The following UBE2Q2 variants were observed in gnomAD, a reference collection of about 807,000 sequenced individuals.
The protein encoded by UBE2Q2 is ubiquitin-conjugating enzyme E2 Q2.
A neutral mutation model predicts 59.9 loss-of-function variants in UBE2Q2; 54 were observed. The ratio of observed to expected loss-of-function variants is 0.90; its 90% CI spans 0.72 to 1.13. The LOEUF is 1.13. Among genes scored for constraint, UBE2Q2 ranks in the 50% most tolerant of loss-of-function variants. UBE2Q2 has a pLI of 0.00. For synonymous variants in UBE2Q2, 165 were observed against 155.2 expected, an observed-to-expected ratio of 1.06 and a Z score of -0.47; for missense variants, 433 against 441.9, an observed-to-expected ratio of 0.98 and a Z score of 0.18.
At chr15:75,856,269 G>GTATATATATA (rs60490503) in intron 2 of UBE2Q2, among the ~76,000 whole-genome samples, 24 of 139,284 alleles carry the variant, frequency 1.7e-4, no homozygotes, top group African/African-American at 5.5e-4. Context: ...GTGTGTGTGT[G>GTATATATATA]TATATATATA....
At chr15:75,873,972 G>A (rs1897933427) in intron 5 of UBE2Q2, among the ~76,000 whole-genome samples, 1 of 152,100 alleles carries the variant, frequency 6.6e-6, no homozygotes, top group Admixed American at 6.5e-5. Context: ...TGGGATTACA[G>A]GCATGAGCCA....
intron 8 of UBE2Q2, 36 bp from the exon 9 acceptor site, chr15:75,883,329 TC>T: frequency 6.4e-7 from 1 of 1,561,246 alleles, no homozygotes; most frequent in South Asian, 1.1e-5. Context: ...CTAAGGATGT[TC>T]TTTAAATTAA....
At position 75,856,269 on chromosome 15, in the gene UBE2Q2, G is replaced by GTGTATATATATA. The variant is rs1256142539; in HGVS notation, c.282+1783_282+1784insGTATATATATAT. ...TACGTGTGTGTGTGTGTGTGTGTGT[G>GTGTATATATATA]TATATATATATATATATATATATAA... On this transcript the variant is annotated intron_variant, in intron 2 of 12. Coordinates refer to ENST00000267938, the MANE Select transcript of UBE2Q2 (RefSeq NM_173469.4). Among the ~76,000 whole-genome samples the GTGTATATATATA allele has an allele frequency of 1.4e-3, 189 of 139,266 alleles. 1 individual carries two copies. The highest frequency in any genetic ancestry group is 4.9e-3 in the African/African-American group (177 of 36,452). The allele number at this position is 139,266 out of a possible 152,430, so 91.4% of individuals were successfully genotyped here.
intron 3 of UBE2Q2, among the ~76,000 whole-genome samples, chr15:75,864,813 TG>T (rs1897375329): frequency 1.3e-5 from 2 of 152,332 alleles, no homozygotes; most frequent in Admixed American, 1.3e-4. Context: ...TTTTTGCTTA[TG>T]TCTTAATTAT....
rs577463711 is a variant in UBE2Q2, at chr15:75,881,247, T to A, written c.825+2059T>A. 2.8e-4 allele frequency among the ~76,000 whole-genome samples: 42 copies of A among 152,024 alleles called. No homozygotes were observed. In the South Asian group the frequency reaches 6.9e-3, roughly 25 times the overall value. On this transcript the variant is annotated intron_variant, in intron 8 of 12. Transcript: ENST00000267938. ...TAAGAAATAGAACCTTTTTTTTTTT[T>A]ATCCGTCCCTGTGGCCCCCTGTGTG...
chr15:75,867,301 C>T (rs1314455959), intron 3 of UBE2Q2, among the ~76,000 whole-genome samples: 7 of 152,134 alleles, frequency 4.6e-5, no homozygotes, highest in Non-Finnish European at 5.9e-5. Flanking sequence ...TGATCCTTAC[C>T]AACTGTAGAT....
chr15:75,879,054 C>T (rs748712041), intron 7 of UBE2Q2, 44 bp from the exon 8 acceptor site: 2 of 1,394,078 alleles, frequency 1.4e-6, no homozygotes, highest in Admixed American at 2.4e-5. Flanking sequence ...AAAAAAAAAT[C>T]TCTAACTTTT....
chr15:75,877,061 T>A (rs1898123232), intron 6 of UBE2Q2, among the ~76,000 whole-genome samples: 1 of 143,458 alleles, frequency 7.0e-6, no homozygotes, highest in Non-Finnish European at 1.5e-5. Context: ...CTCAGTGGTC[T>A]GAGGCAGGAG....
intron 5 of UBE2Q2, 47 bp from the exon 6 acceptor site, chr15:75,876,140 A>G: frequency 3.2e-6 from 5 of 1,569,034 alleles, no homozygotes; most frequent in Non-Finnish European, 4.3e-6. Flanking sequence ...AAATATCTTA[A>G]ATCTTAGCTC....
At chr15:75,872,364 G>A (rs1434964745) in intron 4 of UBE2Q2, among the ~76,000 whole-genome samples, 1 of 150,818 alleles carries the variant, frequency 6.6e-6, no homozygotes. Context: ...TACTCCTTTA[G>A]AGATTTTGGC....
intron 1 of UBE2Q2, among the ~76,000 whole-genome samples, chr15:75,854,101 G>T (rs541106833): frequency 7.9e-5 from 12 of 152,248 alleles, no homozygotes; most frequent in African/African-American, 2.9e-4. Flanking sequence ...ATTTTACAAG[G>T]GTGTGAATGC....
intron 1 of UBE2Q2, among the ~76,000 whole-genome samples, chr15:75,853,895 C>T (rs922093011): frequency 1.3e-5 from 2 of 152,094 alleles, no homozygotes; most frequent in African/African-American, 2.4e-5. Flanking sequence ...TTTATAATAC[C>T]TCGCCATGTA....
At chr15:75,899,173 G>C (rs992868851) in intron 12 of UBE2Q2, among the ~76,000 whole-genome samples, 1 of 151,298 alleles carries the variant, frequency 6.6e-6, no homozygotes, top group African/African-American at 2.4e-5. Context: ...CTACTTGGGA[G>C]GCTGAGGCAG....
chr15:75,852,733 A>G (rs1896695938), intron 1 of UBE2Q2, among the ~76,000 whole-genome samples: 1 of 152,228 alleles, frequency 6.6e-6, no homozygotes, highest in African/African-American at 2.4e-5. Flanking sequence ...TGCAGTACTC[A>G]ATAAGTGGTG....
intron 2 of UBE2Q2, among the ~76,000 whole-genome samples, chr15:75,856,906 A>G (rs889838346): frequency 2.7e-5 from 4 of 150,814 alleles, no homozygotes; most frequent in African/African-American, 9.8e-5. Context: ...GTGCCACCGT[A>G]CTCTAGCCTG....
At position 75,883,236 on chromosome 15, in the gene UBE2Q2, AT is replaced by A; in HGVS notation, c.826-126del. ...GTTTTCATTTTGGTTTTGGGTACTA[AT>A]TTTATGACTCTTACCCATTATCTGA... On this transcript the variant is annotated intron_variant, in intron 8 of 12. Coordinates refer to ENST00000267938, the MANE Select transcript of UBE2Q2 (RefSeq NM_173469.4). 4 of 855,564 alleles carry A rather than the reference AT, an allele frequency of 4.7e-6. No homozygotes were observed. In the South Asian group the frequency reaches 8.3e-5, roughly 18 times the overall value. The allele number at this position is 855,564 out of a possible 1,614,324, so 53.0% of individuals were successfully genotyped here.
intron 1 of UBE2Q2, chr15:75,844,447 T>G: frequency 6.4e-7 from 1 of 1,551,578 alleles, no homozygotes; most frequent in South Asian, 1.2e-5. Context: ...TGCGCGCTGC[T>G]GTGTTCTGGA....
At chr15:75,882,701 T>C (rs916598518) in intron 8 of UBE2Q2, among the ~76,000 whole-genome samples, 1 of 152,248 alleles carries the variant, frequency 6.6e-6, no homozygotes, top group African/African-American at 2.4e-5. Flanking sequence ...TGGATAATCT[T>C]ACATTTCTAT....
chr15:75,876,240 G>A lies in UBE2Q2; in HGVS notation c.642G>A (p.Arg214=). The A allele has an allele frequency of 6.2e-7, 1 of 1,613,832 alleles. No individual in the cohort carries two copies. The highest frequency in any genetic ancestry group is 8.5e-7 in the Non-Finnish European group (1 of 1,179,856). ...CAGATAGACTTATGAAAGAGCTCAG[G>A]GACATATACAGATCACAGAGTTATA... ...QASDRLMKEL[R]DIYRSQSYKT... The change falls in exon 6 of 13, where the codon AGG becomes AGA. Residue 214 remains arginine, a synonymous_variant. Transcript: ENST00000267938.
Sources: gnomAD v4.1 joint callset for allele counts (sites outside exome capture counted in the v4.1 genomes callset) on GRCh38, gnomAD v4.1.1 for gene constraint, MANE v1.5 for transcripts, NCBI Gene and HGNC (gene_info 2026-07-23, HGNC 2026-07-21) for gene names.